The following NEK1 variants were observed in gnomAD, a reference collection of about 807,000 sequenced individuals.
The protein encoded by NEK1 is NIMA related kinase 1.
In NEK1, 137 loss-of-function variants were observed where a neutral mutation model predicts 182.1. The ratio of observed to expected loss-of-function variants is 0.75; its 90% CI spans 0.65 to 0.87. The LOEUF (loss-of-function observed/expected upper bound fraction) is 0.87, where lower values mean the gene tolerates loss of function less well. NEK1 is among the 40% of genes least tolerant of loss of function. The pLI is 0.00. For missense variants in NEK1, 1,391 were observed against 1,494.4 expected, an observed-to-expected ratio of 0.93 and a Z score of 1.14; for synonymous variants, 513 against 492.2, an observed-to-expected ratio of 1.04 and a Z score of -0.56.
chr4:169,556,075 T>G lies in NEK1; in HGVS notation c.1287A>C (p.Gly429=). ...GEVKAPFLGS[G]GTIAPSSFSS... ...AAAAAGATGATGGAGCTATAGTCCC[T>G]CCACTGCCCAGAAAAGGAGCCTAGG... The change falls in exon 17 of 36, where the codon GGA becomes GGC. Residue 429 remains glycine, a synonymous_variant. Coordinates refer to ENST00000507142, the MANE Select transcript of NEK1 (RefSeq NM_001199397.3). The G allele has an allele frequency of 6.2e-7, 1 of 1,612,802 alleles. No individual in the cohort carries two copies. Among genetic ancestry groups the G allele is most frequent in the Non-Finnish European group, 8.5e-7 (1 of 1,179,356 alleles).
Position 169,394,227 on chromosome 4 carries a change from G to C in NEK1, c.*283C>G. On this transcript the variant is annotated 3_prime_UTR_variant, in exon 36 of 36. Coordinates refer to ENST00000507142, the MANE Select transcript of NEK1 (RefSeq NM_001199397.3). ...CATAGTAAATCTTCAAAACCATTAA[G>C]TCAGGTTCTGGGTCAATGTTTCCTA... 1 of 281,868 alleles carries C rather than the reference G, an allele frequency of 3.5e-6. No homozygotes were observed. 17.5% of individuals were successfully genotyped at this position (281,868 alleles called of 1,614,324 possible).
intron 23 of NEK1, among the ~76,000 whole-genome samples, chr4:169,494,856 G>A (rs1201292175): frequency 6.6e-6 from 1 of 152,194 alleles, no homozygotes; most frequent in African/African-American, 2.4e-5. Context: ...CAGTGATGAT[G>A]AGCATTTTTT....
chr4:169,491,305 G>C (rs1476543039), intron 23 of NEK1, among the ~76,000 whole-genome samples: 4 of 152,016 alleles, frequency 2.6e-5, no homozygotes, highest in Non-Finnish European at 5.9e-5. Context: ...TCCTCACCAA[G>C]GCACTTTATA....
At chr4:169,537,763 G>T in intron 19 of NEK1, 46 bp downstream of exon 19, 3 of 1,385,670 alleles carry the variant, frequency 2.2e-6, no homozygotes, top group Non-Finnish European at 3.1e-6. Context: ...ACCTTCACTT[G>T]GAATACTAAT....
chr4:169,491,291 G>C lies in NEK1; in HGVS notation c.2008-11757C>G, dbSNP rs74735976. On this transcript the variant is annotated intron_variant, in intron 23 of 35. Transcript: ENST00000507142. ...AACTAACAAACAGGTTCAATGCAAA[G>C]AGGTCCTCACCAAGGCACTTTATAA... is the stretch of plus-strand genomic sequence containing the variant. 8.5e-3 allele frequency among the ~76,000 whole-genome samples: 1,292 copies of C among 152,016 alleles called. 26 individuals are homozygous for C. Among genetic ancestry groups the C allele is most frequent in the African/African-American group, 0.03 (1,228 of 41,434 alleles).
Position 169,406,685 on chromosome 4 carries a change from G to A in NEK1, c.3285C>T (p.Pro1095=), listed in dbSNP as rs140408058. ...SKLFRTLMDV[P]TVGDVRQDNL... Reference sequence around the variant, plus strand: ...TGTCTTGACGAACATCTCCTACGGTGGGAACATCCATAAGGGTTCTGAACA... The same window carrying A: ...TGTCTTGACGAACATCTCCTACGGTAGGAACATCCATAAGGGTTCTGAACA... The change falls in exon 32 of 36, where the codon CCC becomes CCT. Residue 1095 remains proline (P), a synonymous_variant. Coordinates refer to ENST00000507142, the MANE Select transcript of NEK1 (RefSeq NM_001199397.3). 6.3e-4 allele frequency: 1,020 copies of A among 1,609,494 alleles called. 3 individuals are homozygous for A. The African/African-American group carries it at 9.9e-3, about 16-fold the overall frequency.
At chr4:169,506,999 T>G in intron 23 of NEK1, 38 bp downstream of exon 23, 1 of 1,412,426 alleles carries the variant, frequency 7.1e-7, no homozygotes, top group Non-Finnish European at 9.8e-7. Context: ...ATAAAAATGT[T>G]AATACAACCA....
intron 18 of NEK1, among the ~76,000 whole-genome samples, chr4:169,543,152 GT>G (rs1759749162): frequency 6.6e-6 from 1 of 152,056 alleles, no homozygotes; most frequent in Non-Finnish European, 1.5e-5. Flanking sequence ...TCCATCTTGA[GT>G]TAATTTTTGT....
chr4:169,469,224 T>C (rs1745485066), intron 26 of NEK1, among the ~76,000 whole-genome samples: 1 of 152,208 alleles, frequency 6.6e-6, no homozygotes, highest in South Asian at 2.1e-4. Context: ...GTGTCAATTT[T>C]AGGTCTTTCC....
At chr4:169,433,016 C>T (rs557306093) in intron 29 of NEK1, among the ~76,000 whole-genome samples, 7 of 152,056 alleles carry the variant, frequency 4.6e-5, no homozygotes, top group East Asian at 1.9e-4. Context: ...CCGTCCTCCT[C>T]GGCCTCCCAA....
chr4:169,404,177 C>T (rs1207392437), intron 32 of NEK1, among the ~76,000 whole-genome samples: 1 of 152,008 alleles, frequency 6.6e-6, no homozygotes, highest in African/African-American at 2.4e-5. Flanking sequence ...TTTTAGTTAG[C>T]AGTTTGTCAA....
At chr4:169,530,336 A>G (rs771116556) in intron 19 of NEK1, among the ~76,000 whole-genome samples, 6 of 152,190 alleles carry the variant, frequency 3.9e-5, no homozygotes, top group African/African-American at 1.4e-4. Flanking sequence ...CAACTTTACA[A>G]TGGTGTGAAA....
At chr4:169,496,098 C>A (rs1198892893) in intron 23 of NEK1, among the ~76,000 whole-genome samples, 1 of 152,154 alleles carries the variant, frequency 6.6e-6, no homozygotes, top group East Asian at 1.9e-4. Flanking sequence ...GTTTGTAGTT[C>A]TCCTTGAAGA....
At chr4:169,582,311 C>A (rs573385527) in intron 10 of NEK1, among the ~76,000 whole-genome samples, 1 of 152,078 alleles carries the variant, frequency 6.6e-6, no homozygotes, top group Non-Finnish European at 1.5e-5. Flanking sequence ...AAGTCTCATA[C>A]CAGCAGGATC....
At chr4:169,395,625 C>T (rs1730555312) in intron 35 of NEK1, among the ~76,000 whole-genome samples, 1 of 152,172 alleles carries the variant, frequency 6.6e-6, no homozygotes, top group Non-Finnish European at 1.5e-5. Flanking sequence ...CTATAATTTA[C>T]TTACTTTTCA....
chr4:169,455,951 ACATATGTTAGAT>A (rs1206837057), intron 27 of NEK1, among the ~76,000 whole-genome samples: 2 of 152,224 alleles, frequency 1.3e-5, no homozygotes, highest in African/African-American at 4.8e-5. Flanking sequence ...CAAGGATAGA[ACATATGTTAGAT>A]CACAAAACAA....
chr4:169,546,622 A>C (rs1484194040), intron 18 of NEK1, among the ~76,000 whole-genome samples: 2 of 152,126 alleles, frequency 1.3e-5, no homozygotes, highest in Non-Finnish European at 2.9e-5. Context: ...GTCTCTTTTT[A>C]GGTCACTAAG....
chr4:169,605,854 G>GA (rs535956845), intron 2 of NEK1, among the ~76,000 whole-genome samples: 78 of 152,128 alleles, frequency 5.1e-4, no homozygotes, highest in African/African-American at 1.8e-3. Context: ...AAGCAACAAG[G>GA]AAAAAATCAG....
rs149763070 is a variant in NEK1, at chr4:169,556,131, T to C, written c.1267-36A>G. Reference sequence around the variant, plus strand: ...AACAAAGAGCTCTCACATGTTTATCTTATAAGGCCTAACAGGCCTGTACTA... The same window carrying C: ...AACAAAGAGCTCTCACATGTTTATCCTATAAGGCCTAACAGGCCTGTACTA... On this transcript the variant is annotated intron_variant, in intron 16 of 35. Coordinates refer to ENST00000507142, the MANE Select transcript of NEK1 (RefSeq NM_001199397.3). 6.0e-4 allele frequency: 951 copies of C among 1,586,458 alleles called. 7 individuals are homozygous for C. The African/African-American group carries it at 9.8e-3, about 16-fold the overall frequency.
Sources: gnomAD v4.1 joint callset for allele counts (sites outside exome capture counted in the v4.1 genomes callset) on GRCh38, gnomAD v4.1.1 for gene constraint, MANE v1.5 for transcripts, NCBI Gene and HGNC (gene_info 2026-07-23, HGNC 2026-07-21) for gene names.